C12orf57: variants seen among roughly 807,000 people sequenced by gnomAD.
C12orf57 encodes the protein protein C10.
A neutral mutation model predicts 11.3 loss-of-function variants in C12orf57; 14 were observed. The observed-to-expected ratio is 1.24, with a 90% CI of 0.82 to 1.94. The LOEUF (loss-of-function observed/expected upper bound fraction) is 1.94, where lower values mean the gene tolerates loss of function less well. Ranked by LOEUF, C12orf57 falls within the 30% of genes most tolerant of loss-of-function variation. The probability of loss-of-function intolerance (pLI) is 0.00; values close to 1 mark genes in which losing one functional copy is unlikely to be tolerated. For missense variants in C12orf57, 229 were observed against 172.4 expected, an observed-to-expected ratio of 1.33 and a Z score of -1.84; for synonymous variants, 100 against 74.6, an observed-to-expected ratio of 1.34 and a Z score of -1.76.
At chr12:6,943,900 G>C (rs111753967), upstream of C12orf57, 10 of 1,118,528 alleles carry the variant, frequency 8.9e-6, no homozygotes, top group African/African-American at 3.2e-5. Context: ...TGTTGCCAAT[G>C]ATAGATTGTT....
chr12:6,943,874 C>CCCCTCTTATGAT (rs782658112), upstream of C12orf57: 16 of 967,290 alleles, frequency 1.7e-5, no homozygotes, highest in Admixed American at 6.1e-5. Flanking sequence ...TACCGGAAAG[C>CCCCTCTTATGAT]CCCTCTTATG....
chr12:6,943,834 A>T, upstream of C12orf57: 1 of 868,444 alleles, frequency 1.2e-6, no homozygotes, highest in Non-Finnish European at 1.6e-6. Context: ...CAGCTCTTTT[A>T]GAATTTGTCT....
In C12orf57 at chr12:6,945,948, C is replaced by G. The variant is rs781896109; in HGVS notation, c.*26C>G. The G allele has an allele frequency of 1.9e-6, 3 of 1,601,322 alleles. No individual in the cohort carries two copies. The Admixed American group carries it at 5.1e-5, about 27-fold the overall frequency. On this transcript the variant is annotated 3_prime_UTR_variant, in exon 3 of 3. Coordinates refer to ENST00000229281, the MANE Select transcript of C12orf57 (RefSeq NM_138425.4). ...GAGTTGGCCCTCCCTTGTGCCACTG[C>G]CAGGGGAGGAAAGGCCTTGATGTTC... is the stretch of plus-strand genomic sequence containing the variant.
chr12:6,943,990 C>T (rs782160498), upstream of C12orf57: 139 of 1,587,890 alleles, frequency 8.8e-5, no homozygotes, highest in African/African-American at 1.2e-4. Context: ...TGGGCCACGC[C>T]TGGGCGCTTC....
At chr12:6,943,967 GGGTATGA>G, upstream of C12orf57, 1 of 1,549,194 alleles carries the variant, frequency 6.5e-7, no homozygotes, top group South Asian at 1.2e-5. Context: ...TGTAAGCTTG[GGGTATGA>G]AGGTTTGGGC....
At position 6,944,028 on chromosome 12, in the gene C12orf57, C is replaced by T. The variant is rs185327609; in HGVS notation, c.-94C>T. The T allele has an allele frequency of 3.4e-5, 54 of 1,608,070 alleles. 1 individual carries two copies. The highest frequency in any genetic ancestry group is 2.9e-4 in the East Asian group (13 of 44,860). On this transcript the variant is annotated 5_prime_UTR_variant, in exon 1 of 3. Transcript: ENST00000229281. Reference sequence around the variant, plus strand: ...GCTGCGCCGGATGCTGTTTCCTTTCCGCTCCCAGGGGCGTTGGGAACGGTT... The same window carrying T: ...GCTGCGCCGGATGCTGTTTCCTTTCTGCTCCCAGGGGCGTTGGGAACGGTT...
chr12:6,943,804 A>T (rs781885726), upstream of C12orf57: 1 of 885,882 alleles, frequency 1.1e-6, no homozygotes, highest in Non-Finnish European at 1.6e-6. Flanking sequence ...TTCTCTCCAA[A>T]CACATACGCA....
intron 2 of C12orf57, 30 bp downstream of exon 2, chr12:6,944,682 C>T: frequency 6.3e-7 from 1 of 1,586,508 alleles, no homozygotes; most frequent in Non-Finnish European, 8.6e-7. Flanking sequence ...GCGGGTCAGA[C>T]GCGGGAAGGC....
upstream of C12orf57, chr12:6,943,957 T>A: frequency 6.6e-7 from 1 of 1,520,882 alleles, no homozygotes; most frequent in African/African-American, 1.4e-5. Context: ...TTGATGCAGT[T>A]GTAAGCTTGG....
At position 6,945,939 on chromosome 12, in the gene C12orf57, G is replaced by C. The variant is rs1555146574; in HGVS notation, c.*17G>C. 6.2e-7 allele frequency: 1 copy of C among 1,606,330 alleles called. No homozygotes were observed. The highest frequency in any genetic ancestry group is 1.7e-5 in the Admixed American group (1 of 59,558). ...GCCTCCTGAGAGTTGGCCCTCCCTT[G>C]TGCCACTGCCAGGGGAGGAAAGGCC... On this transcript the variant is annotated 3_prime_UTR_variant, in exon 3 of 3. Coordinates refer to ENST00000229281, the MANE Select transcript of C12orf57 (RefSeq NM_138425.4).
intron 1 of C12orf57, 67 bp downstream of exon 1, chr12:6,944,240 T>C: frequency 6.2e-7 from 1 of 1,612,870 alleles, no homozygotes; most frequent in South Asian, 1.1e-5. Context: ...GCTGCTGGTC[T>C]GGGGAGGATG....
upstream of C12orf57, chr12:6,943,961 A>C (rs781820371): frequency 2.0e-6 from 3 of 1,534,476 alleles, no homozygotes; most frequent in African/African-American, 4.2e-5. Context: ...TGCAGTTGTA[A>C]GCTTGGGGTA....
At chr12:6,943,845 A>C (rs781842057), upstream of C12orf57, 20 of 893,894 alleles carry the variant, frequency 2.2e-5, no homozygotes, top group African/African-American at 3.4e-5. Flanking sequence ...GAATTTGTCT[A>C]GTAGGCTTTC....
chr12:6,945,901 T>C lies in C12orf57; in HGVS notation c.360T>C (p.Gly120=). Reference sequence around the variant, plus strand: ...TGCCACCCCATGGGCCTGCTGCTGGTGGCAGCGTGGCCGCCTCCTGAGAGT... The same window carrying C: ...TGCCACCCCATGGGCCTGCTGCTGGCGGCAGCGTGGCCGCCTCCTGAGAGT... ...MTLPPHGPAA[G]GSVAAS Residue 120 remains glycine (G), a synonymous_variant, in exon 3 of 3, where the codon GGT becomes GGC. Transcript: ENST00000229281. 1 of 1,612,660 alleles carries C rather than the reference T, an allele frequency of 6.2e-7. No homozygotes were observed.
chr12:6,943,584 T>C (rs1555145319), upstream of C12orf57: 15 of 1,289,750 alleles, frequency 1.2e-5, no homozygotes, highest in Non-Finnish European at 1.4e-5. Context: ...GACTGGCTGC[T>C]TTCTCAACCA....
upstream of C12orf57, chr12:6,943,801 C>T: frequency 5.6e-6 from 5 of 891,896 alleles, no homozygotes; most frequent in South Asian, 3.5e-5. Flanking sequence ...ATCTTCTCTC[C>T]AAACACATAC....
chr12:6,944,132 C>T lies in C12orf57; in HGVS notation c.11C>T (p.Ala4Val), dbSNP rs1194384402. The T allele has an allele frequency of 5.6e-6, 9 of 1,614,122 alleles. No individual in the cohort carries two copies. The highest frequency in any genetic ancestry group is 7.6e-6 in the Non-Finnish European group (9 of 1,180,052). Residue 4 changes from alanine (A) to valine (V), a missense_variant, in exon 1 of 3, where the codon GCC becomes GTC. By Grantham distance (64) the Ala-to-Val change is moderately conservative (BLOSUM62 0). Transcript: ENST00000229281. Reference protein sequence around the residue: MASASTQPAALSAE... With the variant: MASVSTQPAALSAE... The stretch of plus-strand genomic sequence containing the variant: ...AGCTTCAGACGCCCTATGGCGTCCG[C>T]CTCGACCCAACCGGCGGCCTTGAGC...
chr12:6,944,785 A>G (rs1555146181), intron 2 of C12orf57, 133 bp downstream of exon 2: 2 of 1,523,526 alleles, frequency 1.3e-6, no homozygotes, highest in Admixed American at 2.0e-5. Flanking sequence ...TCTGACTAAC[A>G]TTCTTGGCAC....
Position 6,944,131 on chromosome 12 carries a change from G to C in C12orf57, c.10G>C (p.Ala4Pro), listed in dbSNP as rs367876099. The change falls in exon 1 of 3, where the codon GCC (alanine) becomes CCC (proline). Residue 4 changes from alanine to proline, a missense_variant. Transcript: ENST00000229281. MAS[A>P]STQPAALSAE... is the part of the protein sequence containing the mutation. ...GAGCTTCAGACGCCCTATGGCGTCCGCCTCGACCCAACCGGCGGCCTTGAG... is the reference window on the plus strand; with the variant it reads ...GAGCTTCAGACGCCCTATGGCGTCCCCCTCGACCCAACCGGCGGCCTTGAG... 4 of 1,614,228 alleles carry C rather than the reference G, an allele frequency of 2.5e-6. No homozygotes were observed. The East Asian group carries it at 6.7e-5, about 27-fold the overall frequency.
Sources: allele counts gnomAD v4.1 joint callset, GRCh38; gene constraint gnomAD v4.1.1; transcripts MANE v1.5; gene names NCBI Gene and HGNC (gene_info 2026-07-23, HGNC 2026-07-21).